Variants in DGKH observed in about 807,000 individuals in gnomAD.
DGKH encodes the protein DAG kinase eta.
DGKH carries 90 observed loss-of-function variants against 159.3 expected under a neutral mutation model. The ratio of observed to expected loss-of-function variants is 0.57; its 90% CI spans 0.48 to 0.67. The LOEUF (loss-of-function observed/expected upper bound fraction) is 0.67. Among genes scored for constraint, DGKH ranks in the 30% least tolerant of loss-of-function variants. DGKH has a pLI of 0.00. For missense variants in DGKH, 1,181 were observed against 1,506.1 expected (o/e 0.78, Z 3.57); for synonymous variants, 536 against 553.8 (o/e 0.97, Z 0.45).
intron 13 of DGKH, among the ~76,000 whole-genome samples, chr13:42,181,175 G>A (rs562951800): frequency 1.1e-3 from 170 of 151,274 alleles, no homozygotes; most frequent in African/African-American, 3.9e-3. Context: ...TACTCGGGAG[G>A]CTGAGGCAGG....
chr13:42,199,957 A>C (rs540390209), intron 20 of DGKH, 48 bp downstream of exon 20: 1 of 1,500,242 alleles, frequency 6.7e-7, no homozygotes, highest in East Asian at 2.3e-5. Context: ...TTACTTAAAA[A>C]AAATATCGTT....
chr13:42,213,597 T>C (rs1957718305), intron 24 of DGKH, among the ~76,000 whole-genome samples: 1 of 152,204 alleles, frequency 6.6e-6, no homozygotes, highest in Admixed American at 6.5e-5. Flanking sequence ...TTTGCAAGCT[T>C]CTTTGTGCCT....
intron 7 of DGKH, 110 bp from the exon 8 acceptor site, chr13:42,165,221 C>T: frequency 1.9e-6 from 1 of 515,694 alleles, no homozygotes; most frequent in Non-Finnish European, 3.4e-6. Context: ...TTATGAATTA[C>T]TGAACATTTT....
intron 3 of DGKH, among the ~76,000 whole-genome samples, chr13:42,135,253 C>A (rs1594073491): frequency 6.6e-6 from 1 of 151,832 alleles, no homozygotes; most frequent in South Asian, 2.1e-4. Context: ...AATCCCAACA[C>A]TTTGGGAGGC....
intron 1 of DGKH, among the ~76,000 whole-genome samples, chr13:42,102,005 C>A (rs1285031892): frequency 2.6e-5 from 4 of 152,152 alleles, no homozygotes; most frequent in African/African-American, 9.7e-5. Context: ...CAATAAGTGG[C>A]AATGAAATCA....
intron 1 of DGKH, among the ~76,000 whole-genome samples, chr13:42,097,131 A>G (rs1954554960): frequency 6.6e-6 from 1 of 152,166 alleles, no homozygotes; most frequent in South Asian, 2.1e-4. Context: ...TCAAAGTGAA[A>G]TTCGTGTGGG....
At chr13:42,196,735 AAAC>A (rs1322283254) in intron 17 of DGKH, among the ~76,000 whole-genome samples, 1 of 152,246 alleles carries the variant, frequency 6.6e-6, no homozygotes, top group Non-Finnish European at 1.5e-5. Context: ...TATATATTAC[AAAC>A]AACTGAATTA....
At chr13:42,209,099 G>A in intron 22 of DGKH, 27 bp downstream of exon 22, 1 of 1,585,406 alleles carries the variant, frequency 6.3e-7, no homozygotes, top group Non-Finnish European at 8.6e-7. Context: ...AAACCTGACT[G>A]CACTTCTTGG....
intron 5 of DGKH, among the ~76,000 whole-genome samples, chr13:42,156,667 A>G (rs1009188175): frequency 6.6e-6 from 1 of 152,198 alleles, no homozygotes; most frequent in Non-Finnish European, 1.5e-5. Context: ...ACTATATATG[A>G]TAATAATAAT....
At chr13:42,218,759 T>C (rs770928138) in intron 26 of DGKH, among the ~76,000 whole-genome samples, 45 of 152,288 alleles carry the variant, frequency 3.0e-4, no homozygotes, top group Non-Finnish European at 5.6e-4. Context: ...TCCGCCCACA[T>C]TGGCCTCCCA....
rs919378687 is a variant in DGKH, at chr13:42,241,575, G to T, written c.*12387G>T. 6 of 152,236 alleles carry T rather than the reference G, an allele frequency of 3.9e-5. No individual in the cohort carries two copies. Among genetic ancestry groups the T allele is most frequent in the African/African-American group, 1.4e-4 (6 of 41,532 alleles). The allele number at this position is 152,236 out of a possible 1,614,324, so 9.4% of individuals were successfully genotyped here. On this transcript the variant is annotated 3_prime_UTR_variant, in exon 30 of 30. Transcript: ENST00000337343. ...TGAACTCACATTTAAAGTTTATTTT[G>T]GGAAGGCATATATGCCTTTTGATGA...
chr13:42,081,568 G>C (rs988121029), intron 1 of DGKH, among the ~76,000 whole-genome samples: 3 of 152,126 alleles, frequency 2.0e-5, no homozygotes, highest in African/African-American at 7.2e-5. Context: ...GTATATATCA[G>C]TTTGGACTTA....
At position 42,219,302 on chromosome 13, in the gene DGKH, A is replaced by G. The variant is rs190695362; in HGVS notation, c.3286A>G (p.Thr1096Ala). ...TGTGGAGGTGGAATTACAGAAACTGACAGAGATTCCTTGGCTTTATTATAT... is the reference window on the plus strand; with the variant it reads ...TGTGGAGGTGGAATTACAGAAACTGGCAGAGATTCCTTGGCTTTATTATAT... Reference protein sequence around the residue: ...HSVEVELQKLTEIPWLYYILH... With the variant: ...HSVEVELQKLAEIPWLYYILH... The change falls in exon 27 of 30, where the codon ACA becomes GCA. Residue 1096 changes from threonine to alanine, a missense_variant. Around this residue, in one of 5 missense-constraint regions of DGKH, gnomAD observed 335 missense variants for 495.2 expected, o/e 0.68. Transcript: ENST00000337343. The G allele has an allele frequency of 1.2e-4, 193 of 1,614,024 alleles. 1 individual carries two copies. In the Admixed American group the frequency reaches 3.1e-3, roughly 26 times the overall value.
rs1195968189 is a variant in DGKH at position 42,229,616 on chromosome 13, A to G, written c.*428A>G. On this transcript the variant is annotated 3_prime_UTR_variant, in exon 30 of 30. Coordinates refer to ENST00000337343, the MANE Select transcript of DGKH (RefSeq NM_178009.5). ...GGGCATTGGCCATTTTCTTAAAATC[A>G]TAGGTTAGGAGACTAAAATATAAAT... The G allele has an allele frequency of 1.3e-5, 2 of 156,990 alleles. No individual in the cohort carries two copies. The highest frequency in any genetic ancestry group is 6.5e-5 in the Admixed American group (1 of 15,350). 9.7% of individuals were successfully genotyped at this position (156,990 alleles called of 1,614,324 possible). A position where few individuals can be genotyped will look rare whatever the true frequency, so the allele number is the denominator to read the frequency against.
At chr13:42,159,438 A>G in intron 6 of DGKH, 66 bp downstream of exon 6, 1 of 1,123,836 alleles carries the variant, frequency 8.9e-7, no homozygotes, top group East Asian at 2.5e-5. Context: ...CTCTTGTGGA[A>G]GCTGAGAAAG....
At chr13:42,142,235 A>G (rs963160456) in intron 3 of DGKH, among the ~76,000 whole-genome samples, 2 of 152,132 alleles carry the variant, frequency 1.3e-5, no homozygotes, top group Admixed American at 1.3e-4. Context: ...TGAGGGCTCT[A>G]TTCTGTTTCA....
At chr13:42,225,073 C>T (rs982749251) in intron 29 of DGKH, among the ~76,000 whole-genome samples, 14 of 151,972 alleles carry the variant, frequency 9.2e-5, no homozygotes, top group Middle Eastern at 3.2e-3. Context: ...ATGTGCATGC[C>T]GTCACACCCA....
chr13:42,255,426 A>C (rs1958650778), intron 30 of DGKH, among the ~76,000 whole-genome samples: 1 of 152,204 alleles, frequency 6.6e-6, no homozygotes, highest in African/African-American at 2.4e-5. Context: ...CTGAGAAGGC[A>C]AATGAAACAA....
chr13:42,127,509 A>C lies in DGKH; in HGVS notation c.239A>C (p.Gln80Pro). ...CTATTGAAGCAAACCAGTTCTTTCC[A>C]AAGGTGGAAAAAGCGATACTTCAAA... ...GQLLKQTSSF[Q>P]RWKKRYFKLR... The change falls in exon 2 of 30, where the codon CAA becomes CCA. Residue 80 changes from glutamine to proline, a missense_variant. Transcript: ENST00000337343. The C allele has an allele frequency of 6.2e-7, 1 of 1,613,836 alleles. No individual in the cohort carries two copies.
Sources: gnomAD v4.1 joint callset for allele counts (sites outside exome capture counted in the v4.1 genomes callset) on GRCh38, gnomAD v4.1.1 for gene constraint, gnomAD v4.1.1 regional missense constraint, MANE v1.5 for transcripts, NCBI Gene and HGNC (gene_info 2026-07-23, HGNC 2026-07-21) for gene names.